Variants in SLC12A7 observed in about 807,000 individuals in gnomAD.
SLC12A7 encodes solute carrier family 12 member 7.
In SLC12A7, 100 loss-of-function variants were observed where a neutral mutation model predicts 120.6. The ratio of observed to expected loss-of-function variants is 0.83; its 90% CI spans 0.71 to 0.98. The LOEUF (loss-of-function observed/expected upper bound fraction) is 0.98. Ranked by LOEUF, SLC12A7 falls within the 50% of genes least tolerant of loss-of-function variation. The probability of loss-of-function intolerance (pLI) is 0.00; values close to 1 mark genes in which losing one functional copy is unlikely to be tolerated. For synonymous variants in SLC12A7, 760 were observed against 678.0 expected (o/e 1.12, Z -1.88); for missense variants, 1,373 against 1,548.1 (o/e 0.89, Z 1.90).
At chr5:1,119,262 G>T in the SLC12A7 span, among the ~76,000 whole-genome samples, 1 of 152,226 alleles carries the variant, frequency 6.6e-6, no homozygotes, top group African/African-American at 2.4e-5. Flanking sequence ...AACCTGGACT[G>T]CAAAGCCCGG....
chr5:1,092,838 C>G (rs1301595130), intron 3 of SLC12A7, among the ~76,000 whole-genome samples: 3 of 152,160 alleles, frequency 2.0e-5, no homozygotes, highest in African/African-American at 7.2e-5. Flanking sequence ...CGCACCCCCA[C>G]AGCGAGGACC....
At chr5:1,138,187 G>A in the SLC12A7 span, among the ~76,000 whole-genome samples, 3 of 138,712 alleles carry the variant, frequency 2.2e-5, 1 homozygote, top group East Asian at 5.8e-4. Flanking sequence ...ATTGCAAAAG[G>A]GGAAAAGCGG....
chr5:1,154,751 G>A, the SLC12A7 span, among the ~76,000 whole-genome samples: 3 of 150,528 alleles, frequency 2.0e-5, no homozygotes, highest in Non-Finnish European at 3.0e-5. Context: ...GGGTCCCCCA[G>A]GGCCCGTCGG....
the SLC12A7 span, among the ~76,000 whole-genome samples, chr5:1,146,921 G>A: frequency 6.6e-6 from 1 of 152,092 alleles, no homozygotes; most frequent in Non-Finnish European, 1.5e-5. The surrounding 1 kb of genome is among the most constrained non-coding windows in gnomAD (Gnocchi z 6.5). Flanking sequence ...CTGAACTAAG[G>A]CCCAGCTGCA....
At chr5:1,095,478 C>G (rs1424340279) in intron 1 of SLC12A7, among the ~76,000 whole-genome samples, 1 of 152,252 alleles carries the variant, frequency 6.6e-6, no homozygotes, top group Non-Finnish European at 1.5e-5. Context: ...GCCCCATGTG[C>G]TGCACACCAG....
In SLC12A7 at chr5:1,063,850, C is replaced by T. The variant is rs374067610; in HGVS notation, c.2733G>A (p.Val911=). The T allele has an allele frequency of 6.3e-7, 1 of 1,583,878 alleles. No individual in the cohort carries two copies. Among genetic ancestry groups the T allele is most frequent in the East Asian group, 2.3e-5 (1 of 43,248 alleles). The change falls in exon 20 of 24, where the codon GTG becomes GTA. Residue 911 remains valine (V), a synonymous_variant. Transcript: ENST00000264930. ...TCAAGCCCTCGGGACTCACCATCTC[C>T]ACCACCTCCACCTCGGCGCTGATGC... The part of the protein sequence containing the change: ...HLRISAEVEV[V]EMVENDISAF...
intron 8 of SLC12A7, among the ~76,000 whole-genome samples, chr5:1,082,953 TTCTGGAAAGCCTGGGCTTCCTCTCTA>T (rs1238619292): frequency 3.3e-5 from 3 of 90,668 alleles, no homozygotes; most frequent in Admixed American, 2.3e-4. Flanking sequence ...CCGTCTCGGG[TTCTGGAAAGCCTGGGCTTCCTCTCTA>T]GGGTTCTGGA....
chr5:1,064,859 C>CGAGGCGATGGT (rs1554012897), intron 18 of SLC12A7, among the ~76,000 whole-genome samples: 1 of 40,414 alleles, frequency 2.5e-5, no homozygotes, highest in Non-Finnish European at 4.4e-5. Flanking sequence ...GAGGAGACGG[C>CGAGGCGATGGT]GAGGGGACAG....
In SLC12A7 at chr5:1,087,063, CA is replaced by C. The variant is rs540760154; in HGVS notation, c.545-31del. On this transcript the variant is annotated intron_variant, in intron 5 of 23. Transcript: ENST00000264930. ...GGAGACAAAGGCGGCAGCCGCGGGT[CA>C]GGGGCGCACTTGGACTCGGACCCGA... is the stretch of plus-strand genomic sequence containing the variant. 4,785 of 1,595,954 alleles carry C rather than the reference CA, an allele frequency of 3.0e-3. 11 individuals carry two copies. The highest frequency in any genetic ancestry group is 3.7e-3 in the Admixed American group (214 of 58,036).
chr5:1,122,309 C>G, the SLC12A7 span, among the ~76,000 whole-genome samples: 12 of 152,156 alleles, frequency 7.9e-5, no homozygotes, highest in African/African-American at 2.7e-4. Context: ...CAGAATCTCA[C>G]CAGAATCCGG....
rs748089156 is a variant in SLC12A7 at position 1,083,893 on chromosome 5, G to A, written c.981C>T (p.Tyr327=). 3.2e-5 allele frequency: 52 copies of A among 1,608,112 alleles called. No homozygotes were observed. Among genetic ancestry groups the A allele is most frequent in the South Asian group, 1.1e-4 (10 of 90,668 alleles). The change falls in exon 8 of 24, where the codon TAC becomes TAT. Residue 327 remains tyrosine, a synonymous_variant. Coordinates refer to ENST00000264930, the MANE Select transcript of SLC12A7 (RefSeq NM_006598.3). ...AGGTGGCTGAGTTGTTGTGGATGCC[G>A]TAGGCCTTGACGCAGGCATCGAAGC... is the stretch of plus-strand genomic sequence containing the variant. ...RRSFDACVKA[Y]GIHNNSATSA...
At chr5:1,080,114 A>C (rs890227915) in intron 9 of SLC12A7, among the ~76,000 whole-genome samples, 1 of 150,666 alleles carries the variant, frequency 6.6e-6, no homozygotes, top group African/African-American at 2.5e-5. Context: ...CCCACAATCC[A>C]GTGCCGCGGA....
At chr5:1,122,005 G>A in the SLC12A7 span, among the ~76,000 whole-genome samples, 1 of 152,214 alleles carries the variant, frequency 6.6e-6, no homozygotes, top group African/African-American at 2.4e-5. Context: ...GTTCCCTGAG[G>A]CGGGGCTCTG....
chr5:1,089,005 T>A lies in SLC12A7; in HGVS notation c.466A>T (p.Ile156Phe). The change falls in exon 4 of 24, where the codon ATC becomes TTC. Residue 156 changes from isoleucine (I) to phenylalanine (F), a missense_variant. Physicochemically the swap from Ile to Phe is conservative, Grantham distance 21 (BLOSUM62 0). Transcript: ENST00000264930. ...GVAGVLESFL[I>F]VAMCCTCTML... ...ACACATGTGCAGCACATGGCCACGA[T>A]GAGGAAGGACTCCAGGACACCAGCC... 1 of 1,612,834 alleles carries A rather than the reference T, an allele frequency of 6.2e-7. No individual in the cohort carries two copies. Among genetic ancestry groups the A allele is most frequent in the Non-Finnish European group, 8.5e-7 (1 of 1,179,944 alleles).
In SLC12A7 at chr5:1,083,745, C is replaced by G; in HGVS notation, c.1129G>C (p.Glu377Gln). 1 of 1,612,092 alleles carries G rather than the reference C, an allele frequency of 6.2e-7. No homozygotes were observed. Among genetic ancestry groups the G allele is most frequent in the African/African-American group, 1.3e-5 (1 of 75,060 alleles). The part of the protein sequence containing the change: ...IPGAASGVFL[E>Q]NLWSTYAHAG... ...CCAGCTGCAGCCCTGTGAGCCTCACCCAGGAAGACACCACTGGCCGCGCCC... is the reference window on the plus strand; with the variant it reads ...CCAGCTGCAGCCCTGTGAGCCTCACGCAGGAAGACACCACTGGCCGCGCCC... The change falls in exon 8 of 24, where the codon GAG becomes CAG. Residue 377 changes from glutamate (E) to glutamine (Q), a missense_variant and splice_region_variant. By Grantham distance (29) the Glu-to-Gln change is conservative. Transcript: ENST00000264930.
rs983926788 is a variant in SLC12A7, at chr5:1,059,696, G to A, written c.2847+648C>T. On this transcript the variant is annotated intron_variant, in intron 21 of 23. Transcript: ENST00000264930. ...CCTCAGCAGCCTACAGTTACCCACG[G>A]AGCCAAAGCCGCTGCAGCCAGGCGG... Among the ~76,000 whole-genome samples the A allele has an allele frequency of 4.0e-5, 6 of 150,084 alleles. No homozygotes were observed. In the East Asian group the frequency reaches 7.9e-4, roughly 20 times the overall value.
At chr5:1,069,232 G>A (rs112456127) in intron 17 of SLC12A7, among the ~76,000 whole-genome samples, 100 of 152,272 alleles carry the variant, frequency 6.6e-4, no homozygotes, top group African/African-American at 2.3e-3. Context: ...CGGGAGCGGC[G>A]GGGGCCATTT....
intron 20 of SLC12A7, chr5:1,062,791 G>C (rs374077832): frequency 6.5e-6 from 1 of 154,340 alleles, no homozygotes; most frequent in Non-Finnish European, 1.5e-5. Context: ...GGGACAGCGT[G>C]ACAGTCTCTA....
chr5:1,074,508 C>G, intron 16 of SLC12A7, 59 bp downstream of exon 16: 2 of 1,499,866 alleles, frequency 1.3e-6, no homozygotes, highest in South Asian at 1.2e-5. Flanking sequence ...ACTCAAAGGC[C>G]GACCTCAGAA....
Sources: gnomAD v4.1 joint callset for allele counts (sites outside exome capture counted in the v4.1 genomes callset) on GRCh38, gnomAD v4.1.1 for gene constraint, Gnocchi (gnomAD v3.1) non-coding constraint, MANE v1.5 for transcripts, NCBI Gene and HGNC (gene_info 2026-07-23, HGNC 2026-07-21) for gene names.